Variants in BCAS3 observed in about 807,000 individuals in gnomAD.
BCAS3 encodes BCAS3 microtubule associated cell migration factor, also known as BCAS4/BCAS3 fusion.
BCAS3 carries 53 observed loss-of-function variants against 116.1 expected under a neutral mutation model. The observed-to-expected ratio is 0.46, with a 90% confidence interval of 0.37 to 0.57. BCAS3 has a LOEUF of 0.57. Among genes scored for constraint, BCAS3 ranks in the 20% least tolerant of loss-of-function variants. The pLI is 0.00. For missense variants in BCAS3, 917 were observed against 1,165.4 expected, an observed-to-expected ratio of 0.79 and a Z score of 3.10; for synonymous variants, 391 against 408.2, an observed-to-expected ratio of 0.96 and a Z score of 0.51.
At chr17:60,842,393 C>T (rs1164623146) in intron 7 of BCAS3, among the ~76,000 whole-genome samples, 2 of 151,912 alleles carry the variant, frequency 1.3e-5, no homozygotes, top group African/African-American at 4.8e-5. Flanking sequence ...TACTACATAA[C>T]GTATCAAAAA....
chr17:61,272,574 G>A (rs540030605), intron 22 of BCAS3, among the ~76,000 whole-genome samples: 2 of 135,484 alleles, frequency 1.5e-5, no homozygotes, highest in Admixed American at 8.2e-5. Flanking sequence ...AGGAGGTCAA[G>A]GTTGCAGTGA....
intron 22 of BCAS3, among the ~76,000 whole-genome samples, chr17:61,338,432 G>A (rs975616355): frequency 2.0e-5 from 3 of 149,618 alleles, no homozygotes; most frequent in African/African-American, 7.3e-5. Flanking sequence ...GATTGTGTGG[G>A]TTCTGTGAAC....
chr17:60,704,240 G>C (rs1047299125), intron 4 of BCAS3, among the ~76,000 whole-genome samples: 17 of 152,004 alleles, frequency 1.1e-4, no homozygotes, highest in African/African-American at 4.1e-4. Flanking sequence ...CCCTATTCTG[G>C]GAAAAAAATG....
chr17:61,170,956 C>G (rs188553838), intron 22 of BCAS3, among the ~76,000 whole-genome samples: 1 of 152,180 alleles, frequency 6.6e-6, no homozygotes, highest in African/African-American at 2.4e-5. Context: ...AGGGAACATT[C>G]GCTGGAGCTT....
intron 13 of BCAS3, among the ~76,000 whole-genome samples, chr17:60,935,126 A>C (rs1395206514): frequency 6.6e-6 from 1 of 152,220 alleles, no homozygotes; most frequent in African/African-American, 2.4e-5. Flanking sequence ...AATGCAATGC[A>C]CATAGCAAGA....
intron 22 of BCAS3, among the ~76,000 whole-genome samples, chr17:61,330,142 A>G (rs2056141720): frequency 6.6e-6 from 1 of 152,182 alleles, no homozygotes; most frequent in African/African-American, 2.4e-5. Flanking sequence ...AGTTCTTTTC[A>G]TAGGCTGAGA....
intron 19 of BCAS3, among the ~76,000 whole-genome samples, chr17:61,049,912 T>G (rs1028819179): frequency 1.3e-5 from 2 of 151,796 alleles, no homozygotes; most frequent in Non-Finnish European, 2.9e-5. Flanking sequence ...TGTTGTATTT[T>G]TAGTAGAGAC....
chr17:60,770,261 G>A (rs551774399), intron 6 of BCAS3, among the ~76,000 whole-genome samples: 37 of 152,180 alleles, frequency 2.4e-4, no homozygotes, highest in Admixed American at 2.1e-3. Flanking sequence ...TGGTGGGCAC[G>A]TGGAGCCTTG....
chr17:61,340,763 A>G (rs955546687), intron 22 of BCAS3, among the ~76,000 whole-genome samples: 3 of 152,174 alleles, frequency 2.0e-5, no homozygotes, highest in African/African-American at 7.2e-5. Flanking sequence ...TGGTGGGAAG[A>G]GAGGACATGG....
intron 6 of BCAS3, among the ~76,000 whole-genome samples, chr17:60,788,541 A>G (rs948515689): frequency 2.6e-5 from 4 of 152,202 alleles, no homozygotes; most frequent in African/African-American, 9.6e-5. Flanking sequence ...AAATGTGCAC[A>G]CATATTTTAG....
At chr17:60,951,274 A>C (rs961704078) in intron 14 of BCAS3, among the ~76,000 whole-genome samples, 2 of 152,118 alleles carry the variant, frequency 1.3e-5, no homozygotes, top group Admixed American at 6.5e-5. Flanking sequence ...ATTCTAAAAT[A>C]TTATGCAACT....
At chr17:61,312,864 C>CA (rs2054429677) in intron 22 of BCAS3, among the ~76,000 whole-genome samples, 2 of 152,150 alleles carry the variant, frequency 1.3e-5, no homozygotes, top group Non-Finnish European at 2.9e-5. Flanking sequence ...TAAGTGCCTG[C>CA]CCTTTCTCCC....
At chr17:61,269,281 AT>A (rs1483586415) in intron 22 of BCAS3, among the ~76,000 whole-genome samples, 2 of 151,584 alleles carry the variant, frequency 1.3e-5, no homozygotes, top group Non-Finnish European at 2.9e-5. Context: ...CACCTGGCTA[AT>A]TTTGTGTTTT....
chr17:61,066,345 A>T (rs527958686), intron 19 of BCAS3, among the ~76,000 whole-genome samples: 1 of 152,304 alleles, frequency 6.6e-6, no homozygotes, highest in African/African-American at 2.4e-5. Flanking sequence ...GCACTGCTCG[A>T]TGTTCATTAT....
chr17:61,274,113 C>T (rs961349765), intron 22 of BCAS3, among the ~76,000 whole-genome samples: 10 of 151,160 alleles, frequency 6.6e-5, no homozygotes, highest in South Asian at 2.1e-4. Context: ...TCCCCACTCC[C>T]CCCACCCCAC....
chr17:60,779,166 G>A (rs2045566265), intron 6 of BCAS3, among the ~76,000 whole-genome samples: 1 of 151,960 alleles, frequency 6.6e-6, no homozygotes, highest in South Asian at 2.1e-4. Context: ...TCTAGCTCTG[G>A]AGGCTGCCTG....
Position 61,214,529 on chromosome 17 carries a change from CA to C in BCAS3, c.2425+129977del, listed in dbSNP as rs11289824. On this transcript the variant is annotated intron_variant, in intron 22 of 23. Transcript: ENST00000407086. This position sits in a 1 kb window ranked among gnomAD's most constrained non-coding sequence, Gnocchi z 4.4. The stretch of plus-strand genomic sequence containing the variant: ...GAAACCCCGTCTCTACTAAAAATAC[CA>C]AAAAAAAAAAATTAGCTGGGCGTGG... 0.99 allele frequency among the ~76,000 whole-genome samples: 147,117 copies of C among 147,896 alleles called. 73,172 individuals carry two copies. Among genetic ancestry groups the C allele is most frequent in the Non-Finnish European group, 1 (66,812 of 66,906 alleles).
At chr17:61,255,750 C>T (rs1054014425) in intron 22 of BCAS3, among the ~76,000 whole-genome samples, 3 of 152,162 alleles carry the variant, frequency 2.0e-5, no homozygotes, top group South Asian at 2.1e-4. Context: ...TAAAGGGTTC[C>T]GGATGTAGCT....
intron 22 of BCAS3, among the ~76,000 whole-genome samples, chr17:61,305,135 A>G (rs960214118): frequency 1.3e-5 from 2 of 152,154 alleles, no homozygotes; most frequent in African/African-American, 4.8e-5. Context: ...GAGGATTACC[A>G]TTTGTATAGG....
Sources: allele counts gnomAD v4.1 joint callset (sites outside exome capture counted in the v4.1 genomes callset), GRCh38; gene constraint gnomAD v4.1.1; non-coding constraint Gnocchi (gnomAD v3.1); transcripts MANE v1.5; gene names NCBI Gene and HGNC (gene_info 2026-07-23, HGNC 2026-07-21).